Variants in MPDZ observed in about 807,000 individuals in gnomAD.
MPDZ encodes the protein multiple PDZ domain crumbs cell polarity complex component, also known as multiple PDZ domain protein.
In MPDZ, 234 loss-of-function variants were observed where a neutral mutation model predicts 239.1. That is an observed-to-expected ratio of 0.98 (90% CI 0.88 to 1.09). The LOEUF (loss-of-function observed/expected upper bound fraction) is 1.09, where lower values mean the gene tolerates loss of function less well. MPDZ is among the 50% of genes least tolerant of loss of function. MPDZ has a pLI of 0.00. For synonymous variants in MPDZ, 1,048 were observed against 881.3 expected (o/e 1.19, Z -3.35); for missense variants, 3,175 against 2,510.0 (o/e 1.26, Z -5.66).
intron 21 of MPDZ, among the ~76,000 whole-genome samples, chr9:13,171,548 T>G (rs1951785303): frequency 6.6e-6 from 1 of 152,094 alleles, no homozygotes. Context: ...AAGAACCTTG[T>G]TTTTTTACCT....
At chr9:13,278,753 G>C (rs1392075753) in intron 1 of MPDZ, among the ~76,000 whole-genome samples, 4 of 152,088 alleles carry the variant, frequency 2.6e-5, no homozygotes, top group Non-Finnish European at 5.9e-5. Flanking sequence ...ACGGGGCACC[G>C]GTACCAATTA....
chr9:13,108,910 AGGGTGGT>A lies in MPDZ; in HGVS notation c.6066+19_6066+25del. The stretch of plus-strand genomic sequence containing the variant: ...TATTAATGAATGTTTAGGGGAAAAG[AGGGTGGT>A]TAAAATTTGCAAGCTTACCTTTGCA... On this transcript the variant is annotated intron_variant, in intron 46 of 46. Transcript: ENST00000319217. 6.2e-7 allele frequency: 1 copy of A among 1,605,952 alleles called. No individual in the cohort carries two copies. Among genetic ancestry groups the A allele is most frequent in the Non-Finnish European group, 8.5e-7 (1 of 1,175,074 alleles).
intron 10 of MPDZ, among the ~76,000 whole-genome samples, chr9:13,210,304 T>C (rs1050851815): frequency 1.3e-5 from 2 of 151,956 alleles, no homozygotes; most frequent in Admixed American, 6.6e-5. Context: ...TCAAAGCAAG[T>C]TGTAAAAAGG....
intron 8 of MPDZ, 36 bp from the exon 9 acceptor site, chr9:13,217,330 A>G (rs1958477378): frequency 1.5e-6 from 2 of 1,354,898 alleles, no homozygotes; most frequent in African/African-American, 1.5e-5. Flanking sequence ...GTGAAATAAT[A>G]CGTAAAAAAA....
intron 24 of MPDZ, among the ~76,000 whole-genome samples, chr9:13,150,948 A>G (rs1259936988): frequency 2.0e-5 from 3 of 152,126 alleles, no homozygotes; most frequent in Admixed American, 6.6e-5. Context: ...AGCTGAATAC[A>G]AAGGGAACTT....
At chr9:13,225,998 T>C (rs1960454815) in intron 3 of MPDZ, among the ~76,000 whole-genome samples, 1 of 152,050 alleles carries the variant, frequency 6.6e-6, no homozygotes, top group Non-Finnish European at 1.5e-5. Flanking sequence ...TAAGACCTTC[T>C]AGTGAATTAT....
Position 13,269,074 on chromosome 9 carries a change from GAA to G in MPDZ, c.-58+10324_-58+10325del, listed in dbSNP as rs34020183. Reference sequence around the variant, plus strand: ...ATGAAGGTAATGGCAAGAAAAAAAAGAAAAGATACAGACTCATTCATTAGAGG... The same window carrying G: ...ATGAAGGTAATGGCAAGAAAAAAAAGAAGATACAGACTCATTCATTAGAGG... On this transcript the variant is annotated intron_variant, in intron 1 of 46. Coordinates refer to ENST00000319217, the MANE Select transcript of MPDZ (RefSeq NM_001378778.1). Among the ~76,000 whole-genome samples the G allele has an allele frequency of 5.5e-3, 832 of 152,138 alleles. 6 individuals are homozygous for G. The highest frequency in any genetic ancestry group is 0.018 in the African/African-American group (745 of 41,506).
At chr9:13,155,582 T>C (rs931526521) in intron 24 of MPDZ, among the ~76,000 whole-genome samples, 4 of 152,104 alleles carry the variant, frequency 2.6e-5, no homozygotes, top group African/African-American at 9.7e-5. Flanking sequence ...ATAATACATG[T>C]AGTAGTATAT....
chr9:13,120,402 G>C (rs1343698229), intron 38 of MPDZ: 1 of 152,170 alleles, frequency 6.6e-6, no homozygotes, highest in Non-Finnish European at 1.5e-5. Context: ...TTAGAAACAG[G>C]GTATTGGATT....
Position 13,257,769 on chromosome 9 carries a change from A to T in MPDZ, c.-57-7397T>A, listed in dbSNP as rs150883386. Among the ~76,000 whole-genome samples, 727 of 152,314 alleles carry T rather than the reference A, an allele frequency of 4.8e-3. 3 individuals carry two copies. Among genetic ancestry groups the T allele is most frequent in the South Asian group, 0.014 (66 of 4,824 alleles). On this transcript the variant is annotated intron_variant, in intron 1 of 46. Transcript: ENST00000319217. ...GTTGCCAGATTTATCAACTAAAAAT[A>T]CAGGATGCTAGTTAAATTTGAATTT... is the stretch of plus-strand genomic sequence containing the variant.
At chr9:13,199,775 T>G (rs1322350415) in intron 12 of MPDZ, among the ~76,000 whole-genome samples, 2 of 152,088 alleles carry the variant, frequency 1.3e-5, no homozygotes, top group Non-Finnish European at 2.9e-5. Flanking sequence ...CTGATTGGCA[T>G]ATGTTGAAAC....
chr9:13,125,318 C>T lies in MPDZ; in HGVS notation c.4705G>A (p.Ala1569Thr). ...GCTGCACCAGCTGCTGAAGGAACAG[C>T]CTGGGAATCTGGATTCTCAGCATGG... Reference protein sequence around the residue: ...TIHAENPDSQAVPSAAGAASG... With the variant: ...TIHAENPDSQTVPSAAGAASG... The change falls in exon 35 of 47, where the codon GCT becomes ACT. Residue 1569 changes from alanine (A) to threonine (T), a missense_variant. Physicochemically the swap from Ala to Thr is moderately conservative, Grantham distance 58. Coordinates refer to ENST00000319217, the MANE Select transcript of MPDZ (RefSeq NM_001378778.1). 3 of 1,613,776 alleles carry T rather than the reference C, an allele frequency of 1.9e-6. No individual in the cohort carries two copies. Among genetic ancestry groups the T allele is most frequent in the South Asian group, 1.1e-5 (1 of 91,072 alleles).
intron 32 of MPDZ, 80 bp from the exon 33 acceptor site, chr9:13,126,852 A>G (rs1945200053): frequency 1.8e-6 from 2 of 1,136,884 alleles, no homozygotes; most frequent in Admixed American, 3.6e-5. Context: ...GGTAAGAAAA[A>G]CAACTAAAAC....
intron 36 of MPDZ, 51 bp downstream of exon 36, chr9:13,123,102 A>T (rs531421981): frequency 6.6e-7 from 1 of 1,524,612 alleles, no homozygotes; most frequent in South Asian, 1.3e-5. Flanking sequence ...ATCGTCTCTG[A>T]GGCCTGGCTG....
rs775898143 is a variant in MPDZ at position 13,110,632 on chromosome 9, T to C, written c.5829+4A>G. ...CTGAATTATGCTTGGGATAAAAATC[T>C]TACCTGCATTTCAATGGAGCCAGAT... On this transcript the variant is annotated splice_donor_region_variant and intron_variant, in intron 44 of 46. Transcript: ENST00000319217. The C allele has an allele frequency of 2.2e-5, 35 of 1,611,068 alleles. No individual in the cohort carries two copies. The South Asian group carries it at 3.3e-4, about 15-fold the overall frequency.
intron 3 of MPDZ, among the ~76,000 whole-genome samples, chr9:13,230,285 A>C (rs1040404928): frequency 2.6e-5 from 4 of 152,142 alleles, no homozygotes; most frequent in Admixed American, 2.6e-4. Flanking sequence ...CATACAATCT[A>C]GCAATTGCAC....
At chr9:13,250,640 A>G (rs957143062) in intron 1 of MPDZ, among the ~76,000 whole-genome samples, 2 of 152,322 alleles carry the variant, frequency 1.3e-5, no homozygotes, top group African/African-American at 4.8e-5. Context: ...AGTTTCAAAC[A>G]TATTTCCATA....
At chr9:13,240,306 A>G (rs1220401099) in intron 3 of MPDZ, among the ~76,000 whole-genome samples, 2 of 152,032 alleles carry the variant, frequency 1.3e-5, no homozygotes, top group Non-Finnish European at 2.9e-5. Context: ...TTCCACTATT[A>G]TCTTTAACCA....
chr9:13,118,112 G>A (rs965129273), intron 39 of MPDZ, among the ~76,000 whole-genome samples: 1 of 151,996 alleles, frequency 6.6e-6, no homozygotes, highest in Non-Finnish European at 1.5e-5. Flanking sequence ...CCAAAGTGTT[G>A]GGATTACAGG....
Sources: allele counts gnomAD v4.1 joint callset (sites outside exome capture counted in the v4.1 genomes callset), GRCh38; gene constraint gnomAD v4.1.1; transcripts MANE v1.5; gene names NCBI Gene and HGNC (gene_info 2026-07-23, HGNC 2026-07-21).